Variants in CNBD1 observed in about 807,000 individuals in gnomAD.
CNBD1 encodes cyclic nucleotide binding domain containing 1.
Under a neutral mutation model 54.4 loss-of-function variants are expected in CNBD1, and 71 were observed. That is an observed-to-expected ratio of 1.30 (90% CI 1.08 to 1.59). The LOEUF is 1.59. Among genes scored for constraint, CNBD1 ranks in the 40% most tolerant of loss-of-function variants. CNBD1 has a pLI of 0.00. For missense variants in CNBD1, 659 were observed against 518.0 expected, an observed-to-expected ratio of 1.27 and a Z score of -2.64; for synonymous variants, 182 against 170.7, an observed-to-expected ratio of 1.07 and a Z score of -0.51.
At chr8:87,023,809 A>C (rs997539780) in intron 4 of CNBD1, among the ~76,000 whole-genome samples, 10 of 152,138 alleles carry the variant, frequency 6.6e-5, no homozygotes, top group Non-Finnish European at 1.2e-4. Context: ...GTTTGTTCTG[A>C]CTTCTTAGAA....
chr8:87,061,183 G>T (rs1810537985), intron 4 of CNBD1, among the ~76,000 whole-genome samples: 1 of 152,174 alleles, frequency 6.6e-6, no homozygotes, highest in South Asian at 2.1e-4. Flanking sequence ...AAATTCTTCT[G>T]CTCAACACTC....
intron 2 of CNBD1, among the ~76,000 whole-genome samples, chr8:86,894,109 C>T (rs1465828814): frequency 8.9e-6 from 1 of 111,826 alleles, no homozygotes; most frequent in Non-Finnish European, 1.7e-5. Flanking sequence ...GGCCGGACTG[C>T]GGACTGCAGT....
intron 4 of CNBD1, among the ~76,000 whole-genome samples, chr8:87,056,603 G>A (rs893522954): frequency 2.0e-5 from 3 of 151,918 alleles, no homozygotes; most frequent in Non-Finnish European, 2.9e-5. Flanking sequence ...ATTTTTACTA[G>A]CCATTATCAT....
At chr8:87,363,920 G>C (rs753675678) in intron 10 of CNBD1, among the ~76,000 whole-genome samples, 3 of 149,688 alleles carry the variant, frequency 2.0e-5, no homozygotes, top group Non-Finnish European at 4.4e-5. Flanking sequence ...TATTCATGAA[G>C]TCCTTGCCCA....
chr8:86,878,115 A>T (rs370560171), intron 1 of CNBD1, among the ~76,000 whole-genome samples: 34 of 116,036 alleles, frequency 2.9e-4, no homozygotes, highest in African/African-American at 1.0e-3. Context: ...TGAGAGAGAG[A>T]GAGAGAGAGA....
At chr8:87,152,960 C>T (rs915523220) in intron 4 of CNBD1, among the ~76,000 whole-genome samples, 2 of 152,026 alleles carry the variant, frequency 1.3e-5, no homozygotes, top group African/African-American at 4.8e-5. Flanking sequence ...TAAATAAACA[C>T]TAGGTGCAAG....
At chr8:86,971,247 C>T (rs76172644) in intron 4 of CNBD1, among the ~76,000 whole-genome samples, 3,008 of 152,170 alleles carry the variant, frequency 0.02, 98 homozygotes, top group African/African-American at 0.069. Flanking sequence ...TATTACATGG[C>T]GGTGGGTAAG....
At chr8:87,281,574 ATATATATATATATATATATATATATAT>A (rs1563536681) in intron 6 of CNBD1, among the ~76,000 whole-genome samples, 4 of 52,744 alleles carry the variant, frequency 7.6e-5, no homozygotes, top group Admixed American at 1.9e-4. Flanking sequence ...ATATATATAT[ATATATATATATATATATATATATATAT>A]AACTAATTTT....
intron 8 of CNBD1, among the ~76,000 whole-genome samples, chr8:87,327,967 T>C (rs1000018379): frequency 1.3e-5 from 2 of 152,164 alleles, no homozygotes; most frequent in Non-Finnish European, 2.9e-5. Flanking sequence ...GATATCCAGT[T>C]TTTCTTTTTT....
chr8:87,321,753 A>G (rs1260067059), intron 8 of CNBD1, among the ~76,000 whole-genome samples: 1 of 151,018 alleles, frequency 6.6e-6, no homozygotes. Context: ...GTCGTATCCA[A>G]GAAATCATTG....
At chr8:86,948,327 C>A (rs190101692) in intron 4 of CNBD1, among the ~76,000 whole-genome samples, 6 of 152,134 alleles carry the variant, frequency 3.9e-5, no homozygotes, top group Non-Finnish European at 8.8e-5. Context: ...TTTTGAGGAA[C>A]CTCAATACTG....
At chr8:86,884,474 A>G (rs1586110314) in intron 1 of CNBD1, among the ~76,000 whole-genome samples, 1 of 152,322 alleles carries the variant, frequency 6.6e-6, no homozygotes, top group Non-Finnish European at 1.5e-5. Flanking sequence ...AGATTTTAGA[A>G]AACAAAAACT....
At chr8:87,005,965 CA>C (rs1563855395) in intron 4 of CNBD1, among the ~76,000 whole-genome samples, 1 of 152,090 alleles carries the variant, frequency 6.6e-6, no homozygotes, top group African/African-American at 2.4e-5. Flanking sequence ...ATTTGTATCT[CA>C]GGGGGCAGAG....
In CNBD1 at chr8:87,163,173, TA is replaced by T. The variant is rs374522933; in HGVS notation, c.432-42818del. 3.9e-4 allele frequency among the ~76,000 whole-genome samples: 59 copies of T among 152,164 alleles called. No homozygotes were observed. The East Asian group carries it at 0.011, about 27-fold the overall frequency. ...AGAAAGATGAAAAAGTAGATTGAAC[TA>T]ACAAATGTACAATATTTTGGTATTA... On this transcript the variant is annotated intron_variant, in intron 4 of 10. Transcript: ENST00000518476. The surrounding 1 kb of genome is among the most constrained non-coding windows in gnomAD (Gnocchi z 4.5).
chr8:87,281,796 A>G (rs1264072632), intron 6 of CNBD1, among the ~76,000 whole-genome samples: 4 of 150,914 alleles, frequency 2.7e-5, no homozygotes, highest in Non-Finnish European at 5.9e-5. Context: ...TTATAAATGA[A>G]AGTTATCTCC....
intron 2 of CNBD1, among the ~76,000 whole-genome samples, chr8:87,403,351 C>T (rs1322067496): frequency 6.6e-6 from 1 of 151,974 alleles, no homozygotes; most frequent in African/African-American, 2.4e-5. Flanking sequence ...AAATATATGG[C>T]ACTTGTCGTA....
Position 87,286,609 on chromosome 8 carries a change from C to T in CNBD1, c.980C>T (p.Pro327Leu). The T allele has an allele frequency of 1.3e-6, 2 of 1,516,922 alleles. No individual in the cohort carries two copies. The highest frequency in any genetic ancestry group is 1.8e-6 in the Non-Finnish European group (2 of 1,114,894). The allele number at this position is 1,516,922 out of a possible 1,614,324, so 94.0% of individuals were successfully genotyped here. A position where few individuals can be genotyped will look rare whatever the true frequency, so the allele number is the denominator to read the frequency against. Residue 327 changes from proline (P) to leucine (L), a missense_variant, in exon 8 of 11, where the codon CCT becomes CTT. Coordinates refer to ENST00000518476, the MANE Select transcript of CNBD1 (RefSeq NM_173538.3). ...ATGTGTCCTTATTATGAGGAATGGCCTACTTTATCCATATATGAGCTAATT... is the reference window on the plus strand; with the variant it reads ...ATGTGTCCTTATTATGAGGAATGGCTTACTTTATCCATATATGAGCTAATT... ...IRMCPYYEEW[P>L]TLSIYELIAL...
intron 4 of CNBD1, among the ~76,000 whole-genome samples, chr8:87,065,900 T>C (rs1260179138): frequency 6.6e-6 from 1 of 151,978 alleles, no homozygotes; most frequent in Non-Finnish European, 1.5e-5. Flanking sequence ...TGTGATACTT[T>C]CCCACTACAT....
intron 8 of CNBD1, among the ~76,000 whole-genome samples, chr8:87,303,991 G>A (rs544144580): frequency 2.7e-4 from 41 of 152,212 alleles, no homozygotes; most frequent in African/African-American, 9.6e-4. Context: ...GAAACAACAG[G>A]TGCTGGAGAG....
Sources: allele counts gnomAD v4.1 joint callset (sites outside exome capture counted in the v4.1 genomes callset), GRCh38; gene constraint gnomAD v4.1.1; non-coding constraint Gnocchi (gnomAD v3.1); transcripts MANE v1.5; gene names NCBI Gene and HGNC (gene_info 2026-07-23, HGNC 2026-07-21).